The following MYLK3 variants were observed in gnomAD, a reference collection of about 807,000 sequenced individuals.
MYLK3 encodes myosin light chain kinase 3.
Under a neutral mutation model 76.3 loss-of-function variants are expected in MYLK3, and 55 were observed. The ratio of observed to expected loss-of-function variants is 0.72; its 90% CI spans 0.58 to 0.90. MYLK3 has a LOEUF of 0.90. Ranked by LOEUF, MYLK3 falls within the 40% of genes least tolerant of loss-of-function variation. The probability of loss-of-function intolerance (pLI) is 0.00; values close to 1 mark genes in which losing one functional copy is unlikely to be tolerated. For missense variants in MYLK3, 973 were observed against 1,053.6 expected (o/e 0.92, Z 1.06); for synonymous variants, 416 against 425.4 (o/e 0.98, Z 0.27).
In MYLK3 at chr16:46,721,181, A is replaced by G; in HGVS notation, c.1927T>C (p.Leu643=). Residue 643 remains leucine, a synonymous_variant, in exon 9 of 13, where the codon TTG becomes CTG. Transcript: ENST00000394809. ...LHLDLKPENI[L]CVNQTGHQIK... is the part of the protein sequence containing the mutation. ...TGATGTCCTGTCTGATTGACGCACAATATGTTCTCCGGCTGGGAAAGAAAG... is the reference window on the plus strand; with the variant it reads ...TGATGTCCTGTCTGATTGACGCACAGTATGTTCTCCGGCTGGGAAAGAAAG... 2.5e-6 allele frequency: 4 copies of G among 1,614,206 alleles called. No homozygotes were observed. The highest frequency in any genetic ancestry group is 1.1e-5 in the South Asian group (1 of 91,088).
intron 8 of MYLK3, 133 bp downstream of exon 8, chr16:46,727,103 C>T: frequency 9.6e-7 from 1 of 1,037,280 alleles, no homozygotes; most frequent in Non-Finnish European, 1.4e-6. Context: ...CTGTCCCAGA[C>T]TCCAGAACTA....
At chr16:46,733,944 G>A (rs1966858051) in intron 3 of MYLK3, among the ~76,000 whole-genome samples, 1 of 152,168 alleles carries the variant, frequency 6.6e-6, no homozygotes, top group Non-Finnish European at 1.5e-5. Context: ...AGAGAGGAAG[G>A]CACAAATGCA....
At position 46,710,670 on chromosome 16, in the gene MYLK3, T is replaced by A; in HGVS notation, c.2234A>T (p.Asp745Val). 1.2e-6 allele frequency: 2 copies of A among 1,614,092 alleles called. No individual in the cohort carries two copies. Among genetic ancestry groups the A allele is most frequent in the Non-Finnish European group, 1.7e-6 (2 of 1,180,004 alleles). Residue 745 changes from aspartate to valine, a missense_variant, in exon 11 of 13, where the codon GAC becomes GTC. Coordinates refer to ENST00000394809, the MANE Select transcript of MYLK3 (RefSeq NM_182493.3). ...TTTGACCAGCAACCGGGAAACAAAGTCCTTGGCCTCCTCCGAGAGCCCTTC... is the reference window on the plus strand; with the variant it reads ...TTTGACCAGCAACCGGGAAACAAAGACCTTGGCCTCCTCCGAGAGCCCTTC... ...TFEGLSEEAK[D>V]FVSRLLVKEK... is the part of the protein sequence containing the mutation.
intron 2 of MYLK3, among the ~76,000 whole-genome samples, chr16:46,739,615 T>C (rs1966897618): frequency 6.6e-6 from 1 of 152,090 alleles, no homozygotes; most frequent in Non-Finnish European, 1.5e-5. Context: ...TTCCACTGAA[T>C]GAATAGGGAA....
intron 3 of MYLK3, among the ~76,000 whole-genome samples, chr16:46,735,758 A>AC (rs1015182461): frequency 6.6e-6 from 1 of 152,198 alleles, no homozygotes; most frequent in African/African-American, 2.4e-5. Flanking sequence ...CTCCTGCCAG[A>AC]CCAAGGGACA....
At chr16:46,754,084 G>A (rs1030112375) in intron 1 of MYLK3, among the ~76,000 whole-genome samples, 2 of 152,088 alleles carry the variant, frequency 1.3e-5, no homozygotes, top group South Asian at 2.1e-4. Flanking sequence ...ATAGGGATTC[G>A]AAGATGAAGC....
chr16:46,745,612 G>A (rs951579257), intron 1 of MYLK3, among the ~76,000 whole-genome samples: 2 of 152,130 alleles, frequency 1.3e-5, no homozygotes, highest in East Asian at 1.9e-4. Flanking sequence ...CGGGCATGGT[G>A]GAGGGCGTCT....
At position 46,710,724 on chromosome 16, in the gene MYLK3, C is replaced by T. The variant is rs752995801; in HGVS notation, c.2180G>A (p.Cys727Tyr). 3.0e-5 allele frequency: 48 copies of T among 1,614,034 alleles called. No homozygotes were observed. The highest frequency in any genetic ancestry group is 1.6e-4 in the Middle Eastern group (1 of 6,084). ...GGTGTCAGCATCAAAATCCCAGCTACAGTTTACAATGAAATTCATGGTCTC... is the reference window on the plus strand; with the variant it reads ...GGTGTCAGCATCAAAATCCCAGCTATAGTTTACAATGAAATTCATGGTCTC... Reference protein sequence around the residue: ...DAETMNFIVNCSWDFDADTFE... With the variant: ...DAETMNFIVNYSWDFDADTFE... The change falls in exon 11 of 13, where the codon TGT (cysteine) becomes TAT (tyrosine). Residue 727 changes from cysteine (C) to tyrosine (Y), a missense_variant. This residue lies in a region of MYLK3 where 332 missense variants were observed against 416.6 expected (regional missense o/e 0.80). Coordinates refer to ENST00000394809, the MANE Select transcript of MYLK3 (RefSeq NM_182493.3).
At chr16:46,716,465 A>G (rs965213717) in intron 9 of MYLK3, among the ~76,000 whole-genome samples, 12 of 149,004 alleles carry the variant, frequency 8.1e-5, no homozygotes, top group Admixed American at 2.1e-4. Context: ...ATATGTGTGT[A>G]TATATATATG....
intron 1 of MYLK3, among the ~76,000 whole-genome samples, chr16:46,753,963 G>A (rs939570415): frequency 6.6e-6 from 1 of 152,098 alleles, no homozygotes; most frequent in Non-Finnish European, 1.5e-5. Context: ...AAGCGTGAAA[G>A]GCTATTCCAT....
At chr16:46,746,370 C>A (rs996936139) in intron 1 of MYLK3, among the ~76,000 whole-genome samples, 2 of 152,150 alleles carry the variant, frequency 1.3e-5, no homozygotes, top group African/African-American at 4.8e-5. Context: ...TTGATTGAAT[C>A]TGCAGATGTA....
At chr16:46,758,277 C>CAG in intron 1 of MYLK3, among the ~76,000 whole-genome samples, 2 of 51,396 alleles carry the variant, frequency 3.9e-5, no homozygotes, top group Non-Finnish European at 6.4e-5. Flanking sequence ...CACACACACA[C>CAG]ACACACACAC....
rs371642029 is a variant in MYLK3, at chr16:46,761,403, G to T, written c.-114+1637C>A. 2.3e-4 allele frequency among the ~76,000 whole-genome samples: 35 copies of T among 152,332 alleles called. 1 individual carries two copies. The South Asian group carries it at 6.0e-3, about 26-fold the overall frequency. Reference sequence around the variant, plus strand: ...TAAAGTTAGCATTTAGGAATGAATGGAAGTGATTACCTGGGGTGGGGGGAT... The same window carrying T: ...TAAAGTTAGCATTTAGGAATGAATGTAAGTGATTACCTGGGGTGGGGGGAT... On this transcript the variant is annotated intron_variant, in intron 1 of 11. Coordinates refer to the MYLK3 transcript ENST00000536476.
chr16:46,751,915 C>T (rs1216747276), upstream of MYLK3, among the ~76,000 whole-genome samples: 3 of 152,176 alleles, frequency 2.0e-5, no homozygotes, highest in East Asian at 5.8e-4. Flanking sequence ...ATGCACAGGA[C>T]ACAGCAGGGG....
At position 46,761,637 on chromosome 16, in the gene MYLK3, C is replaced by T. The variant is rs181835985; in HGVS notation, c.-114+1403G>A. 2.5e-3 allele frequency among the ~76,000 whole-genome samples: 383 copies of T among 151,558 alleles called. 4 individuals carry two copies. The highest frequency in any genetic ancestry group is 8.4e-3 in the Admixed American group (128 of 15,176). On this transcript the variant is annotated intron_variant, in intron 1 of 11. Coordinates refer to the MYLK3 transcript ENST00000536476. Reference sequence around the variant, plus strand: ...TTCGAGACCAGCCTGGCCAACATGGCGAAACCCGGTCTCTACTAAAAAATA... The same window carrying T: ...TTCGAGACCAGCCTGGCCAACATGGTGAAACCCGGTCTCTACTAAAAAATA...
chr16:46,739,861 T>A (rs1038773447), intron 2 of MYLK3, among the ~76,000 whole-genome samples, 196 bp downstream of exon 2: 3 of 152,192 alleles, frequency 2.0e-5, no homozygotes, highest in Non-Finnish European at 2.9e-5. Flanking sequence ...TCAACTGTAT[T>A]CCAGGTGGTT....
At chr16:46,757,623 T>C (rs1967217660) in intron 1 of MYLK3, 1 of 983,630 alleles carries the variant, frequency 1.0e-6, no homozygotes, top group Non-Finnish European at 1.2e-6. Flanking sequence ...ATGATTTCTC[T>C]GGAAGAACTC....
intron 9 of MYLK3, among the ~76,000 whole-genome samples, chr16:46,713,199 CTTTT>C (rs11408687): frequency 1.5e-5 from 2 of 137,820 alleles, no homozygotes; most frequent in South Asian, 4.5e-4. Context: ...TATATGATGC[CTTTT>C]TTTTTTTTTT....
chr16:46,745,720 G>T (rs73541893), intron 1 of MYLK3, among the ~76,000 whole-genome samples: 1 of 152,258 alleles, frequency 6.6e-6, no homozygotes, highest in African/African-American at 2.4e-5. Context: ...AACTCCAGGG[G>T]TGACAGAGTG....
Sources: allele counts gnomAD v4.1 joint callset (sites outside exome capture counted in the v4.1 genomes callset), GRCh38; gene constraint gnomAD v4.1.1; regional missense constraint gnomAD v4.1.1; transcripts MANE v1.5; gene names NCBI Gene and HGNC (gene_info 2026-07-23, HGNC 2026-07-21).